SUFU: variants seen among roughly 807,000 people sequenced by gnomAD.
SUFU encodes SUFU negative regulator of hedgehog signaling.
A neutral mutation model predicts 58.9 loss-of-function variants in SUFU; 7 were observed. That is an observed-to-expected ratio of 0.12 (90% CI 0.07 to 0.22). The LOEUF is 0.22. Ranked by LOEUF, SUFU falls within the 10% of genes least tolerant of loss-of-function variation. The pLI, the probability that SUFU is intolerant of heterozygous loss-of-function variation, is 1.00. For missense variants in SUFU, 451 were observed against 641.3 expected, an observed-to-expected ratio of 0.70 and a Z score of 3.20; for synonymous variants, 232 against 254.8, an observed-to-expected ratio of 0.91 and a Z score of 0.85.
At chr10:102,602,640 C>T (rs753774781) in intron 8 of SUFU, among the ~76,000 whole-genome samples, 7 of 152,248 alleles carry the variant, frequency 4.6e-5, no homozygotes, top group Non-Finnish European at 8.8e-5. Context: ...AAACAACCCT[C>T]TCTCTGGTCC....
chr10:102,618,467 C>T (rs901110862), intron 10 of SUFU: 3 of 152,770 alleles, frequency 2.0e-5, no homozygotes, highest in African/African-American at 7.2e-5. Flanking sequence ...CAAAATACAA[C>T]CCTTAATTAA....
chr10:102,593,092 G>C (rs1297042772), intron 4 of SUFU, among the ~76,000 whole-genome samples: 1 of 152,152 alleles, frequency 6.6e-6, no homozygotes, highest in Non-Finnish European at 1.5e-5. Flanking sequence ...GCCCAGCTTT[G>C]ACCAGTGCTT....
chr10:102,535,930 A>AGAT (rs36203045), intron 2 of SUFU, among the ~76,000 whole-genome samples: 43,142 of 148,644 alleles, frequency 0.29, 6,317 homozygotes, highest in Middle Eastern at 0.38. Flanking sequence ...TCTAGGCTGG[A>AGAT]GATGATGATG....
At chr10:102,539,139 C>T (rs936587987) in intron 2 of SUFU, among the ~76,000 whole-genome samples, 7 of 152,204 alleles carry the variant, frequency 4.6e-5, no homozygotes, top group African/African-American at 1.7e-4. Flanking sequence ...AAGTTGGTCA[C>T]CCTGCTTCAG....
intron 3 of SUFU, among the ~76,000 whole-genome samples, chr10:102,571,205 C>T (rs2063156718): frequency 6.6e-6 from 1 of 152,152 alleles, no homozygotes; most frequent in Non-Finnish European, 1.5e-5. Context: ...ACTATTTGCA[C>T]CCATGACCTG....
intron 3 of SUFU, among the ~76,000 whole-genome samples, chr10:102,581,934 A>G (rs921424223): frequency 1.3e-5 from 2 of 152,084 alleles, no homozygotes; most frequent in Non-Finnish European, 2.9e-5. Flanking sequence ...GACAGACCTG[A>G]GTCTCCCAGC....
chr10:102,577,682 GTT>G lies in SUFU; in HGVS notation c.455-14885_455-14884del, dbSNP rs113583636. Among the ~76,000 whole-genome samples, 1,208 of 132,098 alleles carry G rather than the reference GTT, an allele frequency of 9.1e-3. 55 individuals carry two copies. Among genetic ancestry groups the G allele is most frequent in the Admixed American group, 0.074 (998 of 13,396 alleles). 86.7% of individuals were successfully genotyped at this position (132,098 alleles called of 152,430 possible). A position where few individuals can be genotyped will look rare whatever the true frequency, so the allele number is the denominator to read the frequency against. On this transcript the variant is annotated intron_variant, in intron 3 of 11. Transcript: ENST00000369902. ...TGAAATGTATATAGGACTACGAGTT[GTT>G]TTTTTTTTTTTTTTGAGACGTAGTC...
At position 102,599,563 on chromosome 10, in the gene SUFU, CT is replaced by C. The variant is rs1265431746; in HGVS notation, c.1022+20del. The C allele has an allele frequency of 6.2e-7, 1 of 1,608,854 alleles. No homozygotes were observed. Among genetic ancestry groups the C allele is most frequent in the Non-Finnish European group, 8.5e-7 (1 of 1,175,284 alleles). ...GGGCCCCGTAAGTTCCCCAGTGTCC[CT>C]GGGCTGGAACAAGAGGACGACTTTT... On this transcript the variant is annotated intron_variant, in intron 8 of 11. Transcript: ENST00000369902.
chr10:102,593,222 T>C (rs1003556724), intron 4 of SUFU, among the ~76,000 whole-genome samples: 1 of 152,142 alleles, frequency 6.6e-6, no homozygotes, highest in Non-Finnish European at 1.5e-5. Context: ...CTATTGGTGG[T>C]GGTTCCAAGC....
chr10:102,506,269 A>T (rs1237001757), intron 1 of SUFU, among the ~76,000 whole-genome samples: 1 of 152,166 alleles, frequency 6.6e-6, no homozygotes, highest in Non-Finnish European at 1.5e-5. Context: ...TAACAGCCAT[A>T]TCTTCAGAGA....
At position 102,593,619 on chromosome 10, in the gene SUFU, T is replaced by C; in HGVS notation, c.598-17T>C. 6.2e-7 allele frequency: 1 copy of C among 1,614,148 alleles called. No homozygotes were observed. Among genetic ancestry groups the C allele is most frequent in the East Asian group, 2.2e-5 (1 of 44,884 alleles). Reference sequence around the variant, plus strand: ...GTGGCCATTAACACACAATGGGCTTTCTATCCTGGGCCTCAGATCGTTGGT... The same window carrying C: ...GTGGCCATTAACACACAATGGGCTTCCTATCCTGGGCCTCAGATCGTTGGT... On this transcript the variant is annotated splice_polypyrimidine_tract_variant and intron_variant, in intron 4 of 11. Transcript: ENST00000369902.
intron 2 of SUFU, among the ~76,000 whole-genome samples, chr10:102,511,062 A>T (rs1267703816): frequency 3.3e-5 from 5 of 151,472 alleles, no homozygotes; most frequent in African/African-American, 1.2e-4. Context: ...AGTAGGTTGC[A>T]GTGAGCCAAG....
intron 7 of SUFU, among the ~76,000 whole-genome samples, chr10:102,597,687 G>A (rs549734895): frequency 6.6e-6 from 1 of 152,396 alleles, no homozygotes; most frequent in East Asian, 1.9e-4. Flanking sequence ...TGAAGGCCAT[G>A]CCAGATCCAA....
chr10:102,580,345 C>T (rs984061022), intron 3 of SUFU, among the ~76,000 whole-genome samples: 1 of 152,132 alleles, frequency 6.6e-6, no homozygotes, highest in East Asian at 1.9e-4. Flanking sequence ...ATTTTTTTTG[C>T]TCCTACGCTG....
intron 3 of SUFU, among the ~76,000 whole-genome samples, chr10:102,588,776 G>A (rs1189510710): frequency 6.6e-6 from 1 of 152,064 alleles, no homozygotes; most frequent in African/African-American, 2.4e-5. Context: ...CGTTTATGTA[G>A]GTCTTCTCGA....
At chr10:102,594,434 C>G (rs1398226781) in intron 6 of SUFU, among the ~76,000 whole-genome samples, 1 of 152,168 alleles carries the variant, frequency 6.6e-6, no homozygotes, top group Non-Finnish European at 1.5e-5. Flanking sequence ...CCACGGCCAC[C>G]ACCGCCCTGT....
chr10:102,620,044 A>G (rs1327491020), intron 10 of SUFU, among the ~76,000 whole-genome samples: 4 of 152,176 alleles, frequency 2.6e-5, no homozygotes, highest in Non-Finnish European at 4.4e-5. Context: ...GCCCAGGCCT[A>G]TTGGAGGCAG....
chr10:102,620,162 G>A (rs1477576608), intron 10 of SUFU, among the ~76,000 whole-genome samples: 1 of 152,224 alleles, frequency 6.6e-6, no homozygotes, highest in Admixed American at 6.5e-5. Flanking sequence ...CTGAAATGGA[G>A]GGGCTGGGAT....
At chr10:102,504,949 A>G (rs2062306165) in intron 1 of SUFU, among the ~76,000 whole-genome samples, 1 of 152,042 alleles carries the variant, frequency 6.6e-6, no homozygotes, top group Non-Finnish European at 1.5e-5. Context: ...TTGAAGTTTG[A>G]CGGAGCAGCT....
Sources: gnomAD v4.1 joint callset for allele counts (sites outside exome capture counted in the v4.1 genomes callset) on GRCh38, gnomAD v4.1.1 for gene constraint, MANE v1.5 for transcripts, NCBI Gene and HGNC (gene_info 2026-07-23, HGNC 2026-07-21) for gene names.